The following CRYBG3 variants were observed in gnomAD, a reference collection of about 807,000 sequenced individuals.
The protein encoded by CRYBG3 is crystallin beta-gamma domain containing 3, also known as very large A-kinase anchor protein.
A neutral mutation model predicts 244.2 loss-of-function variants in CRYBG3; 127 were observed. The ratio of observed to expected loss-of-function variants is 0.52; its 90% CI spans 0.45 to 0.60. CRYBG3 has a LOEUF of 0.60. CRYBG3 is among the 20% of genes least tolerant of loss of function. The pLI is 0.00. For missense variants in CRYBG3, 3,325 were observed against 3,442.5 expected (o/e 0.97, Z 0.85); for synonymous variants, 1,132 against 1,195.8 (o/e 0.95, Z 1.10).
intron 12 of CRYBG3, among the ~76,000 whole-genome samples, chr3:97,896,592 G>A (rs908359893): frequency 1.3e-5 from 2 of 152,194 alleles, no homozygotes; most frequent in Non-Finnish European, 2.9e-5. Context: ...AAAAAGGTAG[G>A]TGCCTGTTTA....
chr3:97,908,478 A>G (rs2039805763), intron 15 of CRYBG3, among the ~76,000 whole-genome samples: 1 of 152,178 alleles, frequency 6.6e-6, no homozygotes, highest in South Asian at 2.1e-4. Flanking sequence ...TTCTTGTTGA[A>G]TTGATCCCCT....
intron 4 of CRYBG3, 79 bp from the exon 5 acceptor site, chr3:97,879,615 AAATTGGATAC>A (rs1333701430): frequency 2.1e-5 from 18 of 865,958 alleles, no homozygotes. Flanking sequence ...AATATGTGAT[AAATTGGATAC>A]AAGACTGCTA....
chr3:97,844,039 G>A (rs1246033515), intron 2 of CRYBG3, among the ~76,000 whole-genome samples: 1 of 152,106 alleles, frequency 6.6e-6, no homozygotes, highest in Non-Finnish European at 1.5e-5. Flanking sequence ...AGACTGAAAA[G>A]TTATTTCAAT....
In CRYBG3 at chr3:97,931,587, G is replaced by GTA. The variant is rs2040097366; in HGVS notation, c.8242-2103_8242-2102dup. Among the ~76,000 whole-genome samples, 3 of 152,152 alleles carry GTA rather than the reference G, an allele frequency of 2.0e-5. No homozygotes were observed. In the South Asian group the frequency reaches 6.2e-4, roughly 31 times the overall value. ...CTGGAACTCCAGATCAAAAGGTCCA[G>GTA]TATATGTTGGACATCACTGTTAAGA... On this transcript the variant is annotated intron_variant, in intron 17 of 21. Transcript: ENST00000389622.
chr3:97,873,073 T>G lies in CRYBG3; in HGVS notation c.1879T>G (p.Ser627Ala). 2 of 1,534,862 alleles carry G rather than the reference T, an allele frequency of 1.3e-6. No individual in the cohort carries two copies. The highest frequency in any genetic ancestry group is 2.4e-5 in the South Asian group (2 of 83,746). Residue 627 changes from serine (S) to alanine (A), a missense_variant, in exon 4 of 22, where the codon TCT becomes GCT. By Grantham distance (99) the Ser-to-Ala change is moderately conservative (BLOSUM62 1). Transcript: ENST00000389622. ...TCACATTTCAGAAACTCCTCTTGACTCTGAGAGTCCTCAACAAGCTGAAGT... is the reference window on the plus strand; with the variant it reads ...TCACATTTCAGAAACTCCTCTTGACGCTGAGAGTCCTCAACAAGCTGAAGT... ...RSHISETPLD[S>A]ESPQQAEVSP...
At chr3:97,879,837 G>T in intron 5 of CRYBG3, 89 bp downstream of exon 5, 1 of 1,007,484 alleles carries the variant, frequency 9.9e-7, no homozygotes, top group Admixed American at 2.4e-5. Context: ...CTTAGATAAT[G>T]ATTTTATTCA....
In CRYBG3 at chr3:97,905,240, G is replaced by A. The variant is rs1311441660; in HGVS notation, c.8004+4755G>A. ...TGTCTTTATAGCAGCATGATTTATA[G>A]TCCTTTGGGTATATACCCAGTAATG... On this transcript the variant is annotated intron_variant, in intron 15 of 21. Transcript: ENST00000389622. Among the ~76,000 whole-genome samples, 130 of 151,890 alleles carry A rather than the reference G, an allele frequency of 8.6e-4. 2 individuals are homozygous for A. Among genetic ancestry groups the A allele is most frequent in the South Asian group, 7.3e-3 (35 of 4,794 alleles).
chr3:97,882,737 G>A (rs1553705660), intron 7 of CRYBG3, among the ~76,000 whole-genome samples: 1 of 152,140 alleles, frequency 6.6e-6, no homozygotes, highest in Non-Finnish European at 1.5e-5. Context: ...GACTTGGATT[G>A]TTATTATTAA....
rs551122451 is a variant in CRYBG3 at position 97,892,978 on chromosome 3, G to A, written c.7559G>A (p.Arg2520His). 14 of 1,597,446 alleles carry A rather than the reference G, an allele frequency of 8.8e-6. No individual in the cohort carries two copies. Among genetic ancestry groups the A allele is most frequent in the African/African-American group, 2.7e-5 (2 of 73,766 alleles). ...NGDFHRIGSI[R>H]VIGGVWVAYE... ...GATTTTCACAGAATTGGATCAATTC[G>A]TGTCATTGGTGGAGTGTGAGTATCA... Residue 2520 changes from arginine to histidine, a missense_variant, in exon 11 of 22, where the codon CGT becomes CAT. This residue lies in a region of CRYBG3 where 714 missense variants were observed against 803.6 expected (regional missense o/e 0.89). Coordinates refer to ENST00000389622, the MANE Select transcript of CRYBG3 (RefSeq NM_153605.4).
Position 97,876,792 on chromosome 3 carries a change from G to A in CRYBG3, c.5598G>A (p.Val1866=). The change falls in exon 4 of 22, where the codon GTG becomes GTA. Residue 1866 remains valine, a synonymous_variant. Coordinates refer to ENST00000389622, the MANE Select transcript of CRYBG3 (RefSeq NM_153605.4). ...NIGKHKVLPA[V]VDIEKIHGTG... ...GGAAACACAAAGTGTTACCCGCAGTGGTAGACATTGAGAAAATACATGGAA... is the reference window on the plus strand; with the variant it reads ...GGAAACACAAAGTGTTACCCGCAGTAGTAGACATTGAGAAAATACATGGAA... The A allele has an allele frequency of 7.7e-7, 1 of 1,294,682 alleles. No homozygotes were observed. 80.2% of individuals were successfully genotyped at this position (1,294,682 alleles called of 1,614,324 possible). A position where few individuals can be genotyped will look rare whatever the true frequency, so the allele number is the denominator to read the frequency against.
In CRYBG3 at chr3:97,881,055, C is replaced by T. The variant is rs138530914; in HGVS notation, c.7005-17C>T. 205 of 1,562,948 alleles carry T rather than the reference C, an allele frequency of 1.3e-4. No homozygotes were observed. In the African/African-American group the frequency reaches 2.3e-3, roughly 18 times the overall value. Reference sequence around the variant, plus strand: ...GAAAATTAAATATAACTCATCATTGCATTTCTCTTTGTTTAGCTGGATTTT... The same window carrying T: ...GAAAATTAAATATAACTCATCATTGTATTTCTCTTTGTTTAGCTGGATTTT... On this transcript the variant is annotated splice_polypyrimidine_tract_variant and intron_variant, in intron 6 of 21. Transcript: ENST00000389622.
At chr3:97,857,885 A>T (rs531058354) in intron 2 of CRYBG3, among the ~76,000 whole-genome samples, 7 of 152,198 alleles carry the variant, frequency 4.6e-5, no homozygotes, top group Non-Finnish European at 8.8e-5. Context: ...CATTTCGTAT[A>T]TACATTGTTC....
At chr3:97,910,333 A>G (rs534983936) in intron 15 of CRYBG3, among the ~76,000 whole-genome samples, 267 of 151,424 alleles carry the variant, frequency 1.8e-3, no homozygotes, top group African/African-American at 5.5e-3. Context: ...AATGGCGGGC[A>G]CCCCTCCCCC....
intron 11 of CRYBG3, among the ~76,000 whole-genome samples, chr3:97,893,770 C>T (rs2039608184): frequency 6.6e-6 from 1 of 152,176 alleles, no homozygotes; most frequent in African/African-American, 2.4e-5. Flanking sequence ...GCAGTAACAT[C>T]ATATAATTTT....
chr3:97,844,915 C>G (rs1239854731), intron 2 of CRYBG3, among the ~76,000 whole-genome samples: 1 of 152,080 alleles, frequency 6.6e-6, no homozygotes, highest in Non-Finnish European at 1.5e-5. Flanking sequence ...TGATTTGAAG[C>G]CTATGAGTTT....
At chr3:97,919,543 C>T (rs2039961423) in intron 17 of CRYBG3, among the ~76,000 whole-genome samples, 1 of 151,652 alleles carries the variant, frequency 6.6e-6, no homozygotes, top group African/African-American at 2.4e-5. Flanking sequence ...TTTTCAGTAG[C>T]CTTGGTTTGG....
chr3:97,925,443 T>C (rs1237561464), intron 17 of CRYBG3, among the ~76,000 whole-genome samples: 4 of 152,080 alleles, frequency 2.6e-5, no homozygotes, highest in African/African-American at 7.2e-5. Flanking sequence ...TAAGAATGTC[T>C]GTTGCAGCTA....
chr3:97,866,148 T>C (rs2108206340), intron 3 of CRYBG3, among the ~76,000 whole-genome samples: 1 of 152,242 alleles, frequency 6.6e-6, no homozygotes, highest in South Asian at 2.1e-4. Flanking sequence ...GTTAAATTGA[T>C]AACAATAATA....
chr3:97,897,459 G>T (rs2039652206), intron 12 of CRYBG3, among the ~76,000 whole-genome samples: 1 of 151,998 alleles, frequency 6.6e-6, no homozygotes, highest in South Asian at 2.1e-4. Flanking sequence ...CAGTTTTTAA[G>T]GTTGTTCATC....
Sources: gnomAD v4.1 joint callset for allele counts (sites outside exome capture counted in the v4.1 genomes callset) on GRCh38, gnomAD v4.1.1 for gene constraint, gnomAD v4.1.1 regional missense constraint, MANE v1.5 for transcripts, NCBI Gene and HGNC (gene_info 2026-07-23, HGNC 2026-07-21) for gene names.